The following DPP7 variants were observed in gnomAD, a reference collection of about 807,000 sequenced individuals.
The protein encoded by DPP7 is dipeptidyl peptidase 2.
DPP7 carries 74 observed loss-of-function variants against 58.8 expected under a neutral mutation model. That is an observed-to-expected ratio of 1.26 (90% CI 1.04 to 1.53). The LOEUF is 1.53. Ranked by LOEUF, DPP7 falls within the 40% of genes most tolerant of loss-of-function variation. The pLI is 0.00. For synonymous variants in DPP7, 350 were observed against 303.6 expected (o/e 1.15, Z -1.59); for missense variants, 807 against 692.3 (o/e 1.17, Z -1.86).
upstream of DPP7, among the ~76,000 whole-genome samples, chr9:137,115,884 G>A (rs1588670824): frequency 3.9e-5 from 6 of 152,160 alleles, no homozygotes; most frequent in South Asian, 1.0e-3. Flanking sequence ...CCGCAGGACG[G>A]GGGTGAGGAC....
rs772636240 is a variant in DPP7, at chr9:137,112,983, G to A, written c.840C>T (p.Phe280=). The change falls in exon 7 of 13, where the codon TTC becomes TTT. Residue 280 remains phenylalanine, a synonymous_variant. Coordinates refer to ENST00000371579, the MANE Select transcript of DPP7 (RefSeq NM_013379.3). ...AMMDYPYPTD[F]LGPLPANPVK... ...CGGGGTTGGCAGGGAGGGGACCCAGGAAGTCAGTGGGGTAGGGGTAGTCCA... is the reference window on the plus strand; with the variant it reads ...CGGGGTTGGCAGGGAGGGGACCCAGAAAGTCAGTGGGGTAGGGGTAGTCCA... 4 of 1,613,590 alleles carry A rather than the reference G, an allele frequency of 2.5e-6. No individual in the cohort carries two copies. The highest frequency in any genetic ancestry group is 1.7e-5 in the Admixed American group (1 of 60,028).
At chr9:137,113,333 G>C (rs758113713) in intron 5 of DPP7, 28 bp downstream of exon 5, 1 of 1,612,968 alleles carries the variant, frequency 6.2e-7, no homozygotes, top group East Asian at 2.2e-5. Flanking sequence ...TCCCTTAGGG[G>C]GCCTGGAGGA....
chr9:137,112,885 G>A (rs1831446119), intron 7 of DPP7, 68 bp downstream of exon 7: 2 of 1,602,442 alleles, frequency 1.2e-6, no homozygotes, highest in Middle Eastern at 1.7e-4. Flanking sequence ...TGAGGGTCAG[G>A]CCGCTGACCA....
At chr9:137,113,733 A>C in intron 4 of DPP7, 132 bp downstream of exon 4, 1 of 1,418,332 alleles carries the variant, frequency 7.1e-7, no homozygotes, top group South Asian at 1.5e-5. Flanking sequence ...AGGCAACACT[A>C]AGCCTGGAAC....
At chr9:137,113,667 C>G (rs918596216) in intron 4 of DPP7, 171 bp from the exon 5 acceptor site, 9 of 1,424,668 alleles carry the variant, frequency 6.3e-6, no homozygotes, top group Non-Finnish European at 7.3e-6. Context: ...CTAGTGTGGC[C>G]GCACATCCAA....
chr9:137,114,690 C>T lies in DPP7; in HGVS notation c.24G>A (p.Pro8=). 1 of 1,334,972 alleles carries T rather than the reference C, an allele frequency of 7.5e-7. No individual in the cohort carries two copies. Among genetic ancestry groups the T allele is most frequent in the Non-Finnish European group, 9.6e-7 (1 of 1,044,444 alleles). The allele number at this position is 1,334,972 out of a possible 1,614,324, so 82.7% of individuals were successfully genotyped here. A position where few individuals can be genotyped will look rare whatever the true frequency, so the allele number is the denominator to read the frequency against. The part of the protein sequence containing the change: MGSAPWA[P]VLLLALGLRG... ...GCAGCCCGAGCGCCAGCAGCAGGAC[C>T]GGGGCCCAGGGAGCGGAGCCCATGT... The change falls in exon 1 of 13, where the codon CCG becomes CCA. Residue 8 remains proline, a synonymous_variant. Coordinates refer to ENST00000371579, the MANE Select transcript of DPP7 (RefSeq NM_013379.3).
In DPP7 at chr9:137,114,723, C is replaced by A. The variant is rs947746584; in HGVS notation, c.-10G>T. 5.5e-6 allele frequency: 7 copies of A among 1,271,618 alleles called. No homozygotes were observed. Among genetic ancestry groups the A allele is most frequent in the African/African-American group, 1.6e-5 (1 of 64,056 alleles). The allele number at this position is 1,271,618 out of a possible 1,614,324, so 78.8% of individuals were successfully genotyped here. A position where few individuals can be genotyped will look rare whatever the true frequency, so the allele number is the denominator to read the frequency against. ...AGGGAGCGGAGCCCATGTCGCCTTC[C>A]GCGGGCGCCCGTCACGTGGGCGGGG... On this transcript the variant is annotated 5_prime_UTR_variant, in exon 1 of 13. Transcript: ENST00000371579.
chr9:137,112,143 G>C lies in DPP7; in HGVS notation c.1019C>G (p.Thr340Ser), dbSNP rs1213334543. The C allele has an allele frequency of 1.2e-6, 2 of 1,610,650 alleles. No individual in the cohort carries two copies. Among genetic ancestry groups the C allele is most frequent in the Admixed American group, 1.7e-5 (1 of 59,982 alleles). The change falls in exon 9 of 13, where the codon ACC (threonine) becomes AGC (serine). Residue 340 changes from threonine (T) to serine (S), a missense_variant. Coordinates refer to ENST00000371579, the MANE Select transcript of DPP7 (RefSeq NM_013379.3). ...HSCADPTGCG[T>S]GPDARAWDYQ... ...GTCCCAGGCCCTGGCGTCGGGGCCGGTGCCGCAGCCAGTGGGGTCAGCACA... is the reference window on the plus strand; with the variant it reads ...GTCCCAGGCCCTGGCGTCGGGGCCGCTGCCGCAGCCAGTGGGGTCAGCACA...
upstream of DPP7, among the ~76,000 whole-genome samples, chr9:137,115,432 C>T (rs182684975): frequency 2.6e-5 from 4 of 152,314 alleles, no homozygotes; most frequent in Admixed American, 2.6e-4. Flanking sequence ...TCCCCAGCGT[C>T]CAGTTCAGGG....
intron 8 of DPP7, 185 bp from the exon 9 acceptor site, chr9:137,112,415 C>G: frequency 1.6e-6 from 1 of 633,906 alleles, no homozygotes; most frequent in South Asian, 2.0e-5. Context: ...CTGCCAGCCC[C>G]GGGCCTGACT....
Position 137,110,575 on chromosome 9 carries a change from T to G in DPP7, c.*73A>C. The G allele has an allele frequency of 6.4e-7, 1 of 1,554,828 alleles. No individual in the cohort carries two copies. The highest frequency in any genetic ancestry group is 8.7e-7 in the Non-Finnish European group (1 of 1,151,744). ...GGCCTCCAGGCGTTTATTCAGCCCC[T>G]TCCCTCTGCCGCCAGCTGCTTGAGT... is the stretch of plus-strand genomic sequence containing the variant. On this transcript the variant is annotated 3_prime_UTR_variant, in exon 13 of 13. Coordinates refer to ENST00000371579, the MANE Select transcript of DPP7 (RefSeq NM_013379.3).
chr9:137,113,611 C>G (rs1184394258), intron 4 of DPP7, 115 bp from the exon 5 acceptor site: 6 of 1,441,138 alleles, frequency 4.2e-6, no homozygotes, highest in Non-Finnish European at 4.5e-6. Flanking sequence ...CCCACAAATT[C>G]CAACCCTGGG....
intron 11 of DPP7, among the ~76,000 whole-genome samples, 155 bp from the exon 12 acceptor site, chr9:137,111,105 C>T (rs111227467): frequency 1.3e-4 from 20 of 152,232 alleles, no homozygotes; most frequent in African/African-American, 3.6e-4. Context: ...TGGGAAGTGA[C>T]GAGATGATGG....
At chr9:137,111,258 GT>G (rs879919438) in intron 11 of DPP7, among the ~76,000 whole-genome samples, 14,736 of 149,982 alleles carry the variant, frequency 0.098, 1,278 homozygotes, top group Non-Finnish European at 0.14. Flanking sequence ...CGGGAGCAGG[GT>G]AGGGGCAGGC....
In DPP7 at chr9:137,112,831, C is replaced by T. The variant is rs373957363; in HGVS notation, c.871-26G>A. The T allele has an allele frequency of 2.5e-6, 4 of 1,606,334 alleles. No individual in the cohort carries two copies. In the African/African-American group the frequency reaches 4.0e-5, roughly 16 times the overall value. ...CTGGAGTGCAGGGGCAGCGGCGACT[C>T]AGCGGGGTCCCCTCCACCAGCTCCG... On this transcript the variant is annotated intron_variant, in intron 7 of 12. Transcript: ENST00000371579.
At chr9:137,111,615 G>T in intron 11 of DPP7, 75 bp downstream of exon 11, 7 of 1,529,722 alleles carry the variant, frequency 4.6e-6, no homozygotes, top group Non-Finnish European at 5.4e-6. Flanking sequence ...TCCAGCCTGG[G>T]CGCCAGAGAA....
In DPP7 at chr9:137,111,728, A is replaced by T. The variant is rs759971920; in HGVS notation, c.1234T>A (p.Phe412Ile). The change falls in exon 11 of 13, where the codon TTC becomes ATC. Residue 412 changes from phenylalanine (F) to isoleucine (I), a missense_variant. Transcript: ENST00000371579. ...GDLRAASNII[F>I]SNGNLDPWAG... Reference sequence around the variant, plus strand: ...CAGGGGTCCAGGTTCCCGTTGGAGAAGATGATGTTGCTGGCGGCTCTGAGA... The same window carrying T: ...CAGGGGTCCAGGTTCCCGTTGGAGATGATGATGTTGCTGGCGGCTCTGAGA... 6.8e-6 allele frequency: 11 copies of T among 1,613,688 alleles called. No homozygotes were observed. Among genetic ancestry groups the T allele is most frequent in the Admixed American group, 1.7e-5 (1 of 60,024 alleles).
intron 10 of DPP7, 22 bp downstream of exon 10, chr9:137,111,851 G>T: frequency 6.2e-7 from 1 of 1,611,274 alleles, no homozygotes; most frequent in Non-Finnish European, 8.5e-7. Flanking sequence ...CAGGACGCTG[G>T]CCCACCCCCC....
At chr9:137,112,583 C>T in intron 8 of DPP7, 162 bp downstream of exon 8, 1 of 889,172 alleles carries the variant, frequency 1.1e-6, no homozygotes, top group Non-Finnish European at 1.7e-6. Context: ...CCCCTGCCTC[C>T]CCCAGGGTTT....
Sources: gnomAD v4.1 joint callset for allele counts (sites outside exome capture counted in the v4.1 genomes callset) on GRCh38, gnomAD v4.1.1 for gene constraint, MANE v1.5 for transcripts, NCBI Gene and HGNC (gene_info 2026-07-23, HGNC 2026-07-21) for gene names.